TMEM17: variants seen among roughly 807,000 people sequenced by gnomAD.
The protein encoded by TMEM17 is transmembrane protein 17.
TMEM17 carries 15 observed loss-of-function variants against 19.1 expected under a neutral mutation model. The observed-to-expected ratio is 0.78, with a 90% confidence interval of 0.52 to 1.21. TMEM17 has a LOEUF of 1.21. Among genes scored for constraint, TMEM17 ranks in the 50% most tolerant of loss-of-function variants. The pLI, the probability that TMEM17 is intolerant of heterozygous loss-of-function variation, is 0.00. For missense variants in TMEM17, 245 were observed against 242.3 expected, an observed-to-expected ratio of 1.01 and a Z score of -0.07; for synonymous variants, 103 against 86.9, an observed-to-expected ratio of 1.19 and a Z score of -1.03.
chr2:62,475,155 C>G, the TMEM17 span, among the ~76,000 whole-genome samples: 72 of 152,336 alleles, frequency 4.7e-4, no homozygotes, highest in Admixed American at 7.2e-4. Context: ...GGCTGCCCAA[C>G]CCTGGTGTAT....
the TMEM17 span, among the ~76,000 whole-genome samples, chr2:62,457,231 G>C: frequency 6.6e-6 from 1 of 152,248 alleles, no homozygotes; most frequent in South Asian, 2.1e-4. This position sits in a 1 kb window ranked among gnomAD's most constrained non-coding sequence, Gnocchi z 4.2. Flanking sequence ...CTGCTTCGCC[G>C]TCCCAGCCCC....
chr2:62,497,419 C>T (rs1679803506), downstream of TMEM17, among the ~76,000 whole-genome samples: 2 of 152,220 alleles, frequency 1.3e-5, no homozygotes, highest in South Asian at 4.1e-4. Flanking sequence ...CCTTATTCTG[C>T]ACCATTTCTT....
the TMEM17 span, among the ~76,000 whole-genome samples, chr2:62,476,521 A>T: frequency 2.0e-5 from 3 of 152,354 alleles, no homozygotes; most frequent in East Asian, 5.8e-4. Context: ...AGTAAAAAAT[A>T]TTGAAGTAAA....
chr2:62,491,780 T>C, the TMEM17 span, among the ~76,000 whole-genome samples: 1 of 152,076 alleles, frequency 6.6e-6, no homozygotes, highest in Admixed American at 6.5e-5. Context: ...AATGACAATC[T>C]TTTAAATTAC....
Position 62,504,577 on chromosome 2 carries a change from G to GA in TMEM17, c.100+1452dup, listed in dbSNP as rs770824213. Among the ~76,000 whole-genome samples the GA allele has an allele frequency of 3.3e-5, 5 of 152,260 alleles. No individual in the cohort carries two copies. The East Asian group carries it at 9.6e-4, about 29-fold the overall frequency. ...AGATCAAACTTATAATCATGGAAAT[G>GA]AAAATCAAATTAATATGTAAATGAA... On this transcript the variant is annotated intron_variant, in intron 1 of 3. Transcript: ENST00000335390.
chr2:62,478,417 T>C, the TMEM17 span, among the ~76,000 whole-genome samples: 1 of 152,214 alleles, frequency 6.6e-6, no homozygotes, highest in East Asian at 1.9e-4. Context: ...AACACTGTCC[T>C]GAGCAGCTGC....
chr2:62,483,565 T>C, the TMEM17 span, among the ~76,000 whole-genome samples: 1 of 151,776 alleles, frequency 6.6e-6, no homozygotes. Context: ...AGATATTAAG[T>C]TGCTACCTTA....
the TMEM17 span, among the ~76,000 whole-genome samples, chr2:62,456,172 C>A: frequency 1.3e-5 from 2 of 152,182 alleles, no homozygotes; most frequent in African/African-American, 2.4e-5. Context: ...GCTGCTGTAA[C>A]AAATTGCCAC....
chr2:62,465,769 T>G, the TMEM17 span, among the ~76,000 whole-genome samples: 1 of 152,072 alleles, frequency 6.6e-6, no homozygotes, highest in Non-Finnish European at 1.5e-5. Flanking sequence ...ATAGTAAGGG[T>G]GGCAGGTAAA....
At chr2:62,454,914 C>T in the TMEM17 span, among the ~76,000 whole-genome samples, 4 of 151,826 alleles carry the variant, frequency 2.6e-5, no homozygotes, top group South Asian at 2.1e-4. Flanking sequence ...CTGTGTTAGC[C>T]CAGGATGGTC....
At chr2:62,497,436 T>TGCAGAATAAGGC (rs1270113826), downstream of TMEM17, among the ~76,000 whole-genome samples, 1 of 152,254 alleles carries the variant, frequency 6.6e-6, no homozygotes. Context: ...TCTTCTCATG[T>TGCAGAATAAGGC]ACCCTTCCCA....
chr2:62,467,934 A>G, the TMEM17 span, among the ~76,000 whole-genome samples: 1 of 149,612 alleles, frequency 6.7e-6, no homozygotes, highest in African/African-American at 2.5e-5. Context: ...TTGTGAAACC[A>G]AGTGTTTGTT....
At chr2:62,492,061 T>C in the TMEM17 span, among the ~76,000 whole-genome samples, 1 of 152,232 alleles carries the variant, frequency 6.6e-6, no homozygotes, top group African/African-American at 2.4e-5. Flanking sequence ...GCCACTTTCC[T>C]TGGCCCCTAG....
At chr2:62,459,029 C>G in the TMEM17 span, among the ~76,000 whole-genome samples, 2 of 152,210 alleles carry the variant, frequency 1.3e-5, no homozygotes, top group Non-Finnish European at 2.9e-5. Context: ...TTTCACTTCT[C>G]TTGGATAAAT....
the TMEM17 span, among the ~76,000 whole-genome samples, chr2:62,465,646 T>C: frequency 3.9e-3 from 598 of 151,866 alleles, no homozygotes; most frequent in Non-Finnish European, 5.6e-3. Flanking sequence ...AGATGACACA[T>C]ATAAATAAGG....
the TMEM17 span, among the ~76,000 whole-genome samples, chr2:62,483,578 T>G: frequency 6.6e-6 from 1 of 150,766 alleles, no homozygotes; most frequent in East Asian, 1.9e-4. Context: ...CTACCTTATT[T>G]TTATGTATTT....
the TMEM17 span, among the ~76,000 whole-genome samples, chr2:62,476,026 A>G: frequency 6.6e-6 from 1 of 152,332 alleles, no homozygotes; most frequent in East Asian, 1.9e-4. Flanking sequence ...CCACGGTGTC[A>G]GAGCTCTGGC....
chr2:62,499,489 T>C (rs1317197336), downstream of TMEM17, among the ~76,000 whole-genome samples: 1 of 152,192 alleles, frequency 6.6e-6, no homozygotes, highest in Non-Finnish European at 1.5e-5. Context: ...TGGTGACTAC[T>C]TTGGCATGAG....
Position 62,502,474 on chromosome 2 carries a change from C to T in TMEM17, c.281G>A (p.Arg94Gln), listed in dbSNP as rs768710292. Reference protein sequence around the residue: ...IILITLIEAIRLYLGYVGNLQ... With the variant: ...IILITLIEAIQLYLGYVGNLQ... The stretch of plus-strand genomic sequence containing the variant: ...GTTACCCACGTAGCCCAGATACAAC[C>T]GGATGGCTTCAATTAAGGTTATTAG... The change falls in exon 3 of 4, where the codon CGG becomes CAG. Residue 94 changes from arginine (R) to glutamine (Q), a missense_variant. Arg to Gln is a conservative substitution (Grantham distance 43). Coordinates refer to ENST00000335390, the MANE Select transcript of TMEM17 (RefSeq NM_198276.3). 34 of 1,612,864 alleles carry T rather than the reference C, an allele frequency of 2.1e-5. No individual in the cohort carries two copies. Among genetic ancestry groups the T allele is most frequent in the African/African-American group, 8.0e-5 (6 of 74,856 alleles).
Sources: gnomAD v4.1 joint callset for allele counts (sites outside exome capture counted in the v4.1 genomes callset) on GRCh38, gnomAD v4.1.1 for gene constraint, Gnocchi (gnomAD v3.1) non-coding constraint, MANE v1.5 for transcripts, NCBI Gene and HGNC (gene_info 2026-07-23, HGNC 2026-07-21) for gene names.